Variants in HGS observed in about 807,000 individuals in gnomAD.
HGS encodes human growth factor-regulated tyrosine kinase substrate.
In HGS, 63 loss-of-function variants were observed where a neutral mutation model predicts 109.7. The ratio of observed to expected loss-of-function variants is 0.57; its 90% CI spans 0.47 to 0.71. HGS has a LOEUF of 0.71. HGS is among the 30% of genes least tolerant of loss of function. HGS has a pLI of 0.00. For synonymous variants in HGS, 546 were observed against 437.3 expected (o/e 1.25, Z -3.10); for missense variants, 995 against 1,068.3 (o/e 0.93, Z 0.96).
chr17:81,685,023 C>G (rs555288159), intron 1 of HGS: 16 of 985,262 alleles, frequency 1.6e-5, no homozygotes, highest in South Asian at 4.7e-5. Flanking sequence ...GCTGCCCCCC[C>G]AGAGGGGCCA....
At chr17:81,685,037 G>A (rs2036953292) in intron 1 of HGS, 1 of 985,322 alleles carries the variant, frequency 1.0e-6, no homozygotes, top group Non-Finnish European at 1.2e-6. Context: ...GGGGCCAGTT[G>A]TTGGAGACAG....
At chr17:81,701,164 C>G (rs778296961) in intron 21 of HGS, 33 bp downstream of exon 21, 5 of 1,568,176 alleles carry the variant, frequency 3.2e-6, no homozygotes, top group Non-Finnish European at 3.5e-6. Context: ...CAGCGGCACC[C>G]GCAGGGCACC....
Position 81,693,972 on chromosome 17 carries a change from G to C in HGS, c.936+7G>C, listed in dbSNP as rs376016252. On this transcript the variant is annotated splice_region_variant and intron_variant, in intron 11 of 21. Transcript: ENST00000329138. Reference sequence around the variant, plus strand: ...CCTGTACTCTTCACCTGTGGTGAGCGGCCCTTGGGCTGGAGCTCCCTCTCC... The same window carrying C: ...CCTGTACTCTTCACCTGTGGTGAGCCGCCCTTGGGCTGGAGCTCCCTCTCC... 1 of 1,601,118 alleles carries C rather than the reference G, an allele frequency of 6.2e-7. No individual in the cohort carries two copies. Among genetic ancestry groups the C allele is most frequent in the Non-Finnish European group, 8.5e-7 (1 of 1,175,600 alleles).
intron 21 of HGS, 168 bp downstream of exon 21, chr17:81,701,299 CAG>C (rs2037233803): frequency 1.3e-6 from 1 of 799,360 alleles, no homozygotes; most frequent in Non-Finnish European, 2.0e-6. Flanking sequence ...ACACAAGTCT[CAG>C]GGCAGATACG....
Position 81,696,521 on chromosome 17 carries a change from A to C in HGS, c.1558A>C (p.Lys520Gln). Residue 520 changes from lysine (K) to glutamine (Q), a missense_variant, in exon 16 of 22, where the codon AAG (lysine) becomes CAG (glutamine). By Grantham distance (53) the Lys-to-Gln change is moderately conservative (BLOSUM62 1). This residue lies in a region of HGS where 163 missense variants were observed against 217.8 expected (regional missense o/e 0.75). Transcript: ENST00000329138. The stretch of plus-strand genomic sequence containing the variant: ...CCAGAAGCTGGAGATAATGCGGCAG[A>C]AGAAGCAGGTGCAGTGGCTGCCCAG... ...LAQKLEIMRQKKQEYLEVQRQ... is the reference protein window; with the variant it reads ...LAQKLEIMRQQKQEYLEVQRQ... The C allele has an allele frequency of 6.5e-7, 1 of 1,531,230 alleles. No individual in the cohort carries two copies. Among genetic ancestry groups the C allele is most frequent in the Non-Finnish European group, 8.8e-7 (1 of 1,137,178 alleles). The allele number at this position is 1,531,230 out of a possible 1,614,324, so 94.9% of individuals were successfully genotyped here.
At chr17:81,693,442 C>T (rs1038725733) in intron 8 of HGS, 61 bp from the exon 9 acceptor site, 18 of 1,307,118 alleles carry the variant, frequency 1.4e-5, no homozygotes, top group Non-Finnish European at 1.6e-5. Context: ...TGGTTGAGAG[C>T]TTTGGCGGGG....
intron 10 of HGS, 29 bp from the exon 11 acceptor site, chr17:81,693,841 A>G (rs372249442): frequency 2.3e-5 from 36 of 1,581,740 alleles, no homozygotes; most frequent in Non-Finnish European, 2.9e-5. Context: ...ACGTGCACCC[A>G]AGTGACGCCC....
chr17:81,691,220 C>G lies in HGS; in HGVS notation c.538-227C>G. ...GATGTGTATTTTTTCCTTGCCCTTA[C>G]TTTTAACTTACCTTATTTTCCCCAA... On this transcript the variant is annotated intron_variant, in intron 7 of 21. Coordinates refer to ENST00000329138, the MANE Select transcript of HGS (RefSeq NM_004712.5). This position sits in a 1 kb window ranked among gnomAD's most constrained non-coding sequence, Gnocchi z 5.3. 1 of 558,916 alleles carries G rather than the reference C, an allele frequency of 1.8e-6. No individual in the cohort carries two copies. Among genetic ancestry groups the G allele is most frequent in the African/African-American group, 1.9e-5 (1 of 53,132 alleles). The allele number at this position is 558,916 out of a possible 1,614,324, so 34.6% of individuals were successfully genotyped here.
At chr17:81,699,284 C>T (rs947872521) in intron 18 of HGS, among the ~76,000 whole-genome samples, 1 of 152,200 alleles carries the variant, frequency 6.6e-6, no homozygotes, top group Non-Finnish European at 1.5e-5. Context: ...AGCCTGAGGC[C>T]GTGGAGTCCA....
intron 1 of HGS, chr17:81,684,552 CTTGGGG>C (rs1298357342): frequency 6.1e-6 from 1 of 162,882 alleles, no homozygotes; most frequent in Non-Finnish European, 1.3e-5. Flanking sequence ...TTCGAGCTCT[CTTGGGG>C]GCTGCGGGTC....
At chr17:81,690,438 G>A (rs879717606) in intron 6 of HGS, 21 of 645,322 alleles carry the variant, frequency 3.3e-5, no homozygotes, top group South Asian at 2.3e-4. Context: ...CCTTTAGAGT[G>A]GCTAGGGGGC....
At chr17:81,696,128 G>C in intron 15 of HGS, 129 bp downstream of exon 15, 2 of 958,726 alleles carry the variant, frequency 2.1e-6, no homozygotes, top group East Asian at 5.3e-5. Flanking sequence ...GCTTCCTCCA[G>C]AGAGTGTCAA....
chr17:81,685,443 C>T (rs2036963569), intron 1 of HGS, among the ~76,000 whole-genome samples, 162 bp from the exon 2 acceptor site: 2 of 152,192 alleles, frequency 1.3e-5, no homozygotes, highest in Admixed American at 1.3e-4. Flanking sequence ...ATGGCACTTC[C>T]CTGCCCATCA....
chr17:81,690,634 G>A, intron 6 of HGS, 40 bp from the exon 7 acceptor site: 2 of 1,587,622 alleles, frequency 1.3e-6, no homozygotes. Context: ...GGGGCTGGTG[G>A]GGCGGGAAGC....
rs151286843 is a variant in HGS, at chr17:81,700,422, CCT to C, written c.1883-44_1883-43del. 3,496 of 1,501,314 alleles carry C rather than the reference CCT, an allele frequency of 2.3e-3. 57 individuals are homozygous for C. In the African/African-American group the frequency reaches 0.042, roughly 18 times the overall value. 93.0% of individuals were successfully genotyped at this position (1,501,314 alleles called of 1,614,324 possible). A position where few individuals can be genotyped will look rare whatever the true frequency, so the allele number is the denominator to read the frequency against. ...GAGTAGGGTGTCCCTTCCTCTCCTC[CCT>C]GTTGCCCTGGCTGAACCATCTCCCC... On this transcript the variant is annotated intron_variant, in intron 18 of 21. Coordinates refer to ENST00000329138, the MANE Select transcript of HGS (RefSeq NM_004712.5).
rs2037239063 is a variant in HGS at position 81,701,633 on chromosome 17, A to ACG, written c.*16_*17dup. ...CATTCGACTGACCCAGGCCATGCTC[A>ACG]CGTCCGGAGTAACACTACATACAGT... On this transcript the variant is annotated 3_prime_UTR_variant, in exon 22 of 22. Transcript: ENST00000329138. 7 of 1,545,952 alleles carry ACG rather than the reference A, an allele frequency of 4.5e-6. No individual in the cohort carries two copies. Among genetic ancestry groups the ACG allele is most frequent in the Non-Finnish European group, 6.1e-6 (7 of 1,151,686 alleles).
At chr17:81,697,837 A>G (rs964379538) in intron 18 of HGS, 2 of 150,904 alleles carry the variant, frequency 1.3e-5, no homozygotes, top group African/African-American at 4.9e-5. Flanking sequence ...CAAAGGTGAC[A>G]CTCCTCTGTC....
rs2036925996 is a variant in HGS at position 81,684,015 on chromosome 17, C to T, written c.-52C>T. On this transcript the variant is annotated 5_prime_UTR_variant, in exon 1 of 22. Transcript: ENST00000329138. ...CGGAAGCGGAAGTCGGGGGGCGCGC[C>T]AGCTCGTAGCAGGGGAGCGCCCGCG... 1.3e-6 allele frequency: 2 copies of T among 1,566,612 alleles called. No homozygotes were observed.
chr17:81,689,287 G>A (rs1021013089), intron 5 of HGS, among the ~76,000 whole-genome samples: 3 of 152,226 alleles, frequency 2.0e-5, no homozygotes, highest in Non-Finnish European at 4.4e-5. Flanking sequence ...GAGTGCAGCC[G>A]GGCCTGTGCG....
Sources: gnomAD v4.1 joint callset for allele counts (sites outside exome capture counted in the v4.1 genomes callset) on GRCh38, gnomAD v4.1.1 for gene constraint, gnomAD v4.1.1 regional missense constraint, Gnocchi (gnomAD v3.1) non-coding constraint, MANE v1.5 for transcripts, NCBI Gene and HGNC (gene_info 2026-07-23, HGNC 2026-07-21) for gene names.